Variants in CNTNAP2 observed in about 807,000 individuals in gnomAD.
CNTNAP2 encodes the protein contactin-associated protein-like 2.
In CNTNAP2, 98 loss-of-function variants were observed where a neutral mutation model predicts 155.2. That is an observed-to-expected ratio of 0.63 (90% CI 0.54 to 0.75). The LOEUF (loss-of-function observed/expected upper bound fraction) is 0.75. Ranked by LOEUF, CNTNAP2 falls within the 30% of genes least tolerant of loss-of-function variation. The pLI is 0.00. For missense variants in CNTNAP2, 1,727 were observed against 1,688.1 expected, an observed-to-expected ratio of 1.02 and a Z score of -0.40; for synonymous variants, 651 against 631.2, an observed-to-expected ratio of 1.03 and a Z score of -0.47.
At chr7:146,194,346 C>T (rs894253805) in intron 1 of CNTNAP2, among the ~76,000 whole-genome samples, 2 of 152,196 alleles carry the variant, frequency 1.3e-5, no homozygotes, top group African/African-American at 4.8e-5. Flanking sequence ...GGGGAAGTCT[C>T]ACAATCATGG....
chr7:146,945,364 G>C (rs147364436), intron 3 of CNTNAP2, among the ~76,000 whole-genome samples: 176 of 152,258 alleles, frequency 1.2e-3, no homozygotes, highest in African/African-American at 3.3e-3. Context: ...ACGTTTTTCT[G>C]TCTCAACCCG....
chr7:147,713,187 T>G (rs1299391826), intron 13 of CNTNAP2, among the ~76,000 whole-genome samples: 1 of 152,146 alleles, frequency 6.6e-6, no homozygotes, highest in Non-Finnish European at 1.5e-5. Context: ...AAGTGAAATT[T>G]GCATGTAATA....
chr7:147,792,858 C>T (rs1231957519), intron 13 of CNTNAP2, among the ~76,000 whole-genome samples: 1 of 152,104 alleles, frequency 6.6e-6, no homozygotes, highest in Non-Finnish European at 1.5e-5. Flanking sequence ...TTCTTGGCAA[C>T]ATATGTTATT....
At chr7:148,336,397 C>T (rs1185246244) in intron 21 of CNTNAP2, among the ~76,000 whole-genome samples, 1 of 151,552 alleles carries the variant, frequency 6.6e-6, no homozygotes, top group African/African-American at 2.4e-5. Flanking sequence ...TGATATGCTT[C>T]TCAGAGTCAT....
chr7:146,742,049 TCTC>T (rs1801726768), intron 1 of CNTNAP2, among the ~76,000 whole-genome samples: 1 of 149,658 alleles, frequency 6.7e-6, no homozygotes, highest in African/African-American at 2.5e-5. Context: ...TTCTCTTGCT[TCTC>T]CTTTTAGACT....
intron 10 of CNTNAP2, among the ~76,000 whole-genome samples, chr7:147,400,299 G>A (rs2116465644): frequency 6.6e-6 from 1 of 152,228 alleles, no homozygotes; most frequent in African/African-American, 2.4e-5. Context: ...AGGGTATTAG[G>A]GGATGGAGTG....
At chr7:146,403,243 G>T (rs1396571630) in intron 1 of CNTNAP2, among the ~76,000 whole-genome samples, 1 of 151,998 alleles carries the variant, frequency 6.6e-6, no homozygotes, top group Non-Finnish European at 1.5e-5. Context: ...TAATATCCAT[G>T]AAATGACTTG....
chr7:146,301,807 GT>G (rs1310637017), intron 1 of CNTNAP2, among the ~76,000 whole-genome samples: 9 of 152,162 alleles, frequency 5.9e-5, no homozygotes, highest in African/African-American at 2.2e-4. Context: ...GGGACAGCCT[GT>G]GTGCTGGGTG....
intron 21 of CNTNAP2, among the ~76,000 whole-genome samples, chr7:148,330,995 A>G (rs1164298358): frequency 3.4e-5 from 5 of 147,168 alleles, no homozygotes; most frequent in Non-Finnish European, 7.4e-5. Flanking sequence ...GAATGAACGC[A>G]TGGAATGAAT....
intron 9 of CNTNAP2, among the ~76,000 whole-genome samples, chr7:147,320,425 A>G (rs1795328341): frequency 1.3e-5 from 2 of 152,104 alleles, no homozygotes; most frequent in Admixed American, 1.3e-4. Context: ...TGTAGGGAAA[A>G]CTGACAGTAT....
intron 1 of CNTNAP2, among the ~76,000 whole-genome samples, chr7:146,396,735 A>C (rs1192928490): frequency 2.0e-5 from 3 of 151,106 alleles, no homozygotes; most frequent in Non-Finnish European, 4.4e-5. Flanking sequence ...ATATATGTAT[A>C]TAAATATCCT....
intron 1 of CNTNAP2, among the ~76,000 whole-genome samples, chr7:146,708,849 A>C (rs1425398487): frequency 6.6e-6 from 1 of 151,950 alleles, no homozygotes; most frequent in African/African-American, 2.4e-5. Context: ...TGGCCTCCCA[A>C]AGTGCTGGGA....
At chr7:147,876,602 A>C (rs1167305582) in intron 13 of CNTNAP2, among the ~76,000 whole-genome samples, 1 of 148,758 alleles carries the variant, frequency 6.7e-6, no homozygotes, top group African/African-American at 2.5e-5. Context: ...TAATACAAAT[A>C]TTATTGTTAT....
At position 147,584,920 on chromosome 7, in the gene CNTNAP2, G is replaced by A. The variant is rs566477817; in HGVS notation, c.1897+22663G>A. Among the ~76,000 whole-genome samples, 13 of 152,194 alleles carry A rather than the reference G, an allele frequency of 8.5e-5. No homozygotes were observed. In the East Asian group the frequency reaches 1.6e-3, roughly 18 times the overall value. ...GAGAAGGATGCCCTTGATGGCCTGC[G>A]GAGATCTTGAGACAAGGCATGCGGC... On this transcript the variant is annotated intron_variant, in intron 12 of 23. Coordinates refer to ENST00000361727, the MANE Select transcript of CNTNAP2 (RefSeq NM_014141.6).
intron 1 of CNTNAP2, among the ~76,000 whole-genome samples, chr7:146,686,818 A>G (rs1325231346): frequency 2.6e-5 from 4 of 152,174 alleles, no homozygotes; most frequent in African/African-American, 7.2e-5. Flanking sequence ...AATGGAGTCA[A>G]TGTAATTTTC....
chr7:148,207,676 G>T lies in CNTNAP2; in HGVS notation c.3011-9612G>T, dbSNP rs1585187709. ...AGTGACACTTCCCCCAAAATGATATGCCACATTCTAAGAAGAGGGATATAT... is the reference window on the plus strand; with the variant it reads ...AGTGACACTTCCCCCAAAATGATATTCCACATTCTAAGAAGAGGGATATAT... On this transcript the variant is annotated intron_variant, in intron 18 of 23. Transcript: ENST00000361727. Among the ~76,000 whole-genome samples the T allele has an allele frequency of 2.0e-5, 3 of 152,128 alleles. No individual in the cohort carries two copies. The East Asian group carries it at 5.8e-4, about 29-fold the overall frequency.
intron 3 of CNTNAP2, among the ~76,000 whole-genome samples, chr7:146,965,444 G>T (rs139359367): frequency 2.0e-5 from 3 of 152,092 alleles, no homozygotes; most frequent in African/African-American, 7.2e-5. Context: ...TCAGGATTTT[G>T]CACAATACAT....
intron 15 of CNTNAP2, among the ~76,000 whole-genome samples, chr7:147,985,116 AAAT>A (rs200542398): frequency 6.9e-4 from 45 of 65,468 alleles, no homozygotes; most frequent in East Asian, 1.6e-3. Context: ...CTCTGTCAAA[AAAT>A]AAATAAATAA....
chr7:148,202,542 T>C (rs995161268), intron 18 of CNTNAP2, among the ~76,000 whole-genome samples: 32 of 152,198 alleles, frequency 2.1e-4, no homozygotes, highest in African/African-American at 5.8e-4. Flanking sequence ...CAACAATGAA[T>C]AAATCCATTC....
Sources: allele counts gnomAD v4.1 joint callset (sites outside exome capture counted in the v4.1 genomes callset), GRCh38; gene constraint gnomAD v4.1.1; transcripts MANE v1.5; gene names NCBI Gene and HGNC (gene_info 2026-07-23, HGNC 2026-07-21).